EPM2A: variants seen among roughly 807,000 people sequenced by gnomAD.
The protein encoded by EPM2A is laforin.
EPM2A carries 21 observed loss-of-function variants against 26.5 expected under a neutral mutation model. The observed-to-expected ratio is 0.79, with a 90% CI of 0.56 to 1.14. The LOEUF is 1.14. Ranked by LOEUF, EPM2A falls within the 50% of genes most tolerant of loss-of-function variation. The pLI is 0.00. For missense variants in EPM2A, 458 were observed against 440.8 expected (o/e 1.04, Z -0.35); for synonymous variants, 217 against 177.6 (o/e 1.22, Z -1.76).
At chr6:145,430,365 C>T (rs1163411448) in intron 4 of EPM2A, among the ~76,000 whole-genome samples, 2 of 151,654 alleles carry the variant, frequency 1.3e-5, no homozygotes, top group Non-Finnish European at 2.9e-5. Flanking sequence ...TTTGGGAGGC[C>T]AAGGCGGCCG....
chr6:145,493,094 C>G (rs1227209271), intron 4 of EPM2A, among the ~76,000 whole-genome samples: 1 of 152,156 alleles, frequency 6.6e-6, no homozygotes, highest in East Asian at 1.9e-4. Flanking sequence ...CCCTACCCCT[C>G]CATTTCCCCA....
At chr6:145,568,842 A>G (rs1377564396) in intron 2 of EPM2A, among the ~76,000 whole-genome samples, 2 of 152,208 alleles carry the variant, frequency 1.3e-5, no homozygotes, top group African/African-American at 4.8e-5. Flanking sequence ...TACATTATGC[A>G]GAAATTAGGA....
At chr6:145,628,071 T>C (rs986141976) in intron 3 of EPM2A, 4 of 241,524 alleles carry the variant, frequency 1.7e-5, no homozygotes, top group South Asian at 6.7e-5. Context: ...AAAAAAAAAA[T>C]AGTTGTCAGG....
intron 4 of EPM2A, among the ~76,000 whole-genome samples, chr6:145,457,541 T>A (rs1024610679): frequency 5.9e-5 from 9 of 151,966 alleles, no homozygotes; most frequent in African/African-American, 1.7e-4. Context: ...ATGTATCTTC[T>A]GAAAAACTGC....
chr6:145,484,592 T>G (rs889406308), intron 4 of EPM2A, among the ~76,000 whole-genome samples: 1 of 152,114 alleles, frequency 6.6e-6, no homozygotes, highest in Non-Finnish European at 1.5e-5. Flanking sequence ...TGTATGTAAT[T>G]ATAGGACAAA....
At chr6:145,449,617 C>T (rs117603867) in intron 4 of EPM2A, among the ~76,000 whole-genome samples, 15 of 152,256 alleles carry the variant, frequency 9.9e-5, no homozygotes, top group Admixed American at 6.5e-4. Flanking sequence ...TTCACATCAC[C>T]CACTGGCTAA....
At chr6:145,423,701 A>G (rs1194784640) in intron 4 of EPM2A, among the ~76,000 whole-genome samples, 1 of 152,154 alleles carries the variant, frequency 6.6e-6, no homozygotes, top group Admixed American at 6.5e-5. Flanking sequence ...GGATGGCAAT[A>G]GACAGCATAG....
At chr6:145,388,509 T>C (rs1297749332) in intron 4 of EPM2A, among the ~76,000 whole-genome samples, 2 of 152,182 alleles carry the variant, frequency 1.3e-5, no homozygotes, top group African/African-American at 2.4e-5. Context: ...GTGAGATTGA[T>C]GCATTTTAAA....
At chr6:145,451,627 C>A (rs983806825) in intron 4 of EPM2A, among the ~76,000 whole-genome samples, 2 of 152,006 alleles carry the variant, frequency 1.3e-5, no homozygotes, top group African/African-American at 4.8e-5. Context: ...GTCTATAAAG[C>A]CGGACATTAA....
intron 2 of EPM2A, among the ~76,000 whole-genome samples, chr6:145,678,122 C>A (rs1780205603): frequency 6.6e-6 from 1 of 152,174 alleles, no homozygotes; most frequent in South Asian, 2.1e-4. Flanking sequence ...AGAAATAACA[C>A]CGCACTTCTA....
At chr6:145,498,218 T>C (rs1267049834), downstream of EPM2A, among the ~76,000 whole-genome samples, 1 of 152,186 alleles carries the variant, frequency 6.6e-6, no homozygotes, top group East Asian at 1.9e-4. Context: ...CACCAACCTG[T>C]CCTGGGAAGG....
intron 2 of EPM2A, among the ~76,000 whole-genome samples, chr6:145,576,114 G>A (rs144785462): frequency 6.6e-6 from 1 of 152,144 alleles, no homozygotes; most frequent in Admixed American, 6.5e-5. Flanking sequence ...GAGATTACAG[G>A]TGTGAGCCAC....
At chr6:145,506,003 C>T (rs1440903717) in intron 2 of EPM2A, among the ~76,000 whole-genome samples, 1 of 152,146 alleles carries the variant, frequency 6.6e-6, no homozygotes, top group Non-Finnish European at 1.5e-5. Context: ...CCAAAAAGGG[C>T]ATCACACTAG....
At chr6:145,459,624 C>T (rs556825368) in intron 4 of EPM2A, among the ~76,000 whole-genome samples, 15 of 152,130 alleles carry the variant, frequency 9.9e-5, no homozygotes, top group Admixed American at 7.9e-4. Context: ...AATATTTATG[C>T]TCTTACCTAT....
At chr6:145,499,987 T>A (rs1779867518), downstream of EPM2A, among the ~76,000 whole-genome samples, 1 of 150,514 alleles carries the variant, frequency 6.6e-6, no homozygotes, top group Non-Finnish European at 1.5e-5. Flanking sequence ...TAAAAATGTT[T>A]CTTCGTAACA....
chr6:145,398,145 T>C (rs899047619), intron 4 of EPM2A, among the ~76,000 whole-genome samples: 5 of 152,088 alleles, frequency 3.3e-5, no homozygotes, highest in African/African-American at 1.2e-4. Context: ...GGCCTGTGCA[T>C]GCCAACAACT....
chr6:145,622,255 A>G (rs1383366532), downstream of EPM2A, among the ~76,000 whole-genome samples: 1 of 151,848 alleles, frequency 6.6e-6, no homozygotes, highest in Non-Finnish European at 1.5e-5. Context: ...GTCTCTGACT[A>G]CTCTTTCAAT....
At chr6:145,646,428 G>A (rs995975728) in intron 2 of EPM2A, among the ~76,000 whole-genome samples, 65 of 151,486 alleles carry the variant, frequency 4.3e-4, no homozygotes, top group African/African-American at 1.2e-3. Flanking sequence ...TGCCCACCTC[G>A]GCCTCCCAAA....
intron 4 of EPM2A, among the ~76,000 whole-genome samples, chr6:145,388,019 A>C (rs1342989951): frequency 6.6e-6 from 1 of 152,170 alleles, no homozygotes; most frequent in African/African-American, 2.4e-5. Flanking sequence ...TGTTTGTCCC[A>C]CCTTATCCAA....
Sources: gnomAD v4.1 joint callset for allele counts (sites outside exome capture counted in the v4.1 genomes callset) on GRCh38, gnomAD v4.1.1 for gene constraint, MANE v1.5 for transcripts, NCBI Gene and HGNC (gene_info 2026-07-23, HGNC 2026-07-21) for gene names.